SRCIN1: variants seen among roughly 807,000 people sequenced by gnomAD.
SRCIN1 encodes SRC kinase signaling inhibitor 1, also known as P130Cas-associated protein.
A neutral mutation model predicts 116.2 loss-of-function variants in SRCIN1; 50 were observed. That is an observed-to-expected ratio of 0.43 (90% CI 0.34 to 0.54). The LOEUF (loss-of-function observed/expected upper bound fraction) is 0.54, where lower values mean the gene tolerates loss of function less well. SRCIN1 is among the 20% of genes least tolerant of loss of function. The pLI is 0.02. For missense variants in SRCIN1, 1,446 were observed against 1,672.0 expected (o/e 0.86, Z 2.36); for synonymous variants, 736 against 750.0 (o/e 0.98, Z 0.30).
chr17:38,578,522 G>C lies in SRCIN1; in HGVS notation c.292C>G (p.Leu98Val). 1 of 1,595,016 alleles carries C rather than the reference G, an allele frequency of 6.3e-7. No homozygotes were observed. Among genetic ancestry groups the C allele is most frequent in the East Asian group, 2.3e-5 (1 of 44,262 alleles). The change falls in exon 2 of 19, where the codon CTG becomes GTG. Residue 98 changes from leucine to valine, a missense_variant. By Grantham distance (32) the Leu-to-Val change is conservative (BLOSUM62 1). This residue lies in a region of SRCIN1 where 246 missense variants were observed against 265.1 expected (regional missense o/e 0.93). Transcript: ENST00000617146. ...KSKYPQHALALRGQQDRMREQ... is the reference protein window; with the variant it reads ...KSKYPQHALAVRGQQDRMREQ... ...CGCATCCTGTCCTGCTGGCCTCGCAGGGCCAGGGCGTGCTGTGGGTACTTG... is the reference window on the plus strand; with the variant it reads ...CGCATCCTGTCCTGCTGGCCTCGCACGGCCAGGGCGTGCTGTGGGTACTTG...
intron 2 of SRCIN1, among the ~76,000 whole-genome samples, chr17:38,578,256 A>G (rs921314947): frequency 6.6e-6 from 1 of 152,208 alleles, no homozygotes; most frequent in Admixed American, 6.5e-5. Flanking sequence ...TCCGGACTGC[A>G]GGCAGAGGTC....
Position 38,563,047 on chromosome 17 carries a change from T to C in SRCIN1, c.741-127A>G, listed in dbSNP as rs1042565989. Reference sequence around the variant, plus strand: ...ACCGGGAGCCCCATCTCAGGCTGCCTGCACACACGCCCAGCAGCCTCCACC... The same window carrying C: ...ACCGGGAGCCCCATCTCAGGCTGCCCGCACACACGCCCAGCAGCCTCCACC... On this transcript the variant is annotated intron_variant, in intron 5 of 18. Coordinates refer to ENST00000617146, the MANE Select transcript of SRCIN1 (RefSeq NM_025248.3). The surrounding 1 kb of genome is among the most constrained non-coding windows in gnomAD (Gnocchi z 5.8). 2.3e-6 allele frequency: 2 copies of C among 852,152 alleles called. No individual in the cohort carries two copies. Among genetic ancestry groups the C allele is most frequent in the East Asian group, 2.6e-5 (1 of 37,764 alleles). 52.8% of individuals were successfully genotyped at this position (852,152 alleles called of 1,614,324 possible).
In SRCIN1 at chr17:38,558,138, G is replaced by C; in HGVS notation, c.2201+89C>G. 1 of 1,453,758 alleles carries C rather than the reference G, an allele frequency of 6.9e-7. No homozygotes were observed. The highest frequency in any genetic ancestry group is 1.2e-5 in the South Asian group (1 of 80,472). 90.1% of individuals were successfully genotyped at this position (1,453,758 alleles called of 1,614,324 possible). Reference sequence around the variant, plus strand: ...GACCAACGCCACCTGTGACTCAGAGGGAAGGGAGCTGCGCCTCCCAGGGAA... The same window carrying C: ...GACCAACGCCACCTGTGACTCAGAGCGAAGGGAGCTGCGCCTCCCAGGGAA... On this transcript the variant is annotated intron_variant, in intron 11 of 18. Transcript: ENST00000617146. The surrounding 1 kb of genome is among the most constrained non-coding windows in gnomAD (Gnocchi z 4.6).
chr17:38,550,430 C>T (rs1401075283), intron 15 of SRCIN1, among the ~76,000 whole-genome samples: 1 of 152,030 alleles, frequency 6.6e-6, no homozygotes, highest in South Asian at 2.1e-4. Context: ...GGAGGCGGAG[C>T]TTGTAGTGAG....
At position 38,531,396 on chromosome 17, in the gene SRCIN1, T is replaced by C. The variant is rs2040920515; in HGVS notation, c.*1901A>G. Reference sequence around the variant, plus strand: ...GGGAGAGTGCCGTGGTTTTCTTTTTTTTTTCTTTTTTAAATATTTATATAT... The same window carrying C: ...GGGAGAGTGCCGTGGTTTTCTTTTTCTTTTCTTTTTTAAATATTTATATAT... On this transcript the variant is annotated 3_prime_UTR_variant, in exon 19 of 19. Coordinates refer to ENST00000617146, the MANE Select transcript of SRCIN1 (RefSeq NM_025248.3). The C allele has an allele frequency of 6.8e-6, 1 of 148,130 alleles. No individual in the cohort carries two copies. The highest frequency in any genetic ancestry group is 2.4e-5 in the African/African-American group (1 of 40,824). 9.2% of individuals were successfully genotyped at this position (148,130 alleles called of 1,614,324 possible).
At position 38,533,112 on chromosome 17, in the gene SRCIN1, ACAAAACC is replaced by A; in HGVS notation, c.*178_*184del. 2 of 476,754 alleles carry A rather than the reference ACAAAACC, an allele frequency of 4.2e-6. No homozygotes were observed. Among genetic ancestry groups the A allele is most frequent in the Non-Finnish European group, 6.4e-6 (2 of 312,770 alleles). The allele number at this position is 476,754 out of a possible 1,614,324, so 29.5% of individuals were successfully genotyped here. Reference sequence around the variant, plus strand: ...TTAATTGTTAAAAAAAAAAAAAAAAACAAAACCAAAAACACCAACAGATGATGGGTAG... The same window carrying A: ...TTAATTGTTAAAAAAAAAAAAAAAAAAAAAACACCAACAGATGATGGGTAG... On this transcript the variant is annotated 3_prime_UTR_variant, in exon 19 of 19. Transcript: ENST00000617146.
In SRCIN1 at chr17:38,563,431, G is replaced by C. The variant is rs375008092; in HGVS notation, c.632C>G (p.Ala211Gly). 1 of 1,565,482 alleles carries C rather than the reference G, an allele frequency of 6.4e-7. No homozygotes were observed. The highest frequency in any genetic ancestry group is 8.7e-7 in the Non-Finnish European group (1 of 1,154,414). Residue 211 changes from alanine to glycine, a missense_variant, in exon 5 of 19, where the codon GCG (alanine) becomes GGG (glycine). Coordinates refer to ENST00000617146, the MANE Select transcript of SRCIN1 (RefSeq NM_025248.3). The surrounding 1 kb of genome is among the most constrained non-coding windows in gnomAD (Gnocchi z 5.8). ...SSLDTLHALI[A>G]HMFPQKLTMG... ...GGTGAGCTTCTGCGGGAACATGTGC[G>C]CGATGAGTGCGTGCAGCGTGTCCAG... is the stretch of plus-strand genomic sequence containing the variant.
chr17:38,550,545 G>T (rs2502362), intron 15 of SRCIN1, among the ~76,000 whole-genome samples: 80,929 of 151,990 alleles, frequency 0.53, 22,893 homozygotes, highest in African/African-American at 0.73. Context: ...GATGACTACA[G>T]TAAAAGCAAT....
At chr17:38,548,992 G>A (rs1905230736) in intron 16 of SRCIN1, 64 bp downstream of exon 16, 2 of 1,571,944 alleles carry the variant, frequency 1.3e-6, no homozygotes, top group Non-Finnish European at 1.7e-6. Context: ...AGGGCCTCCA[G>A]AAGTCATCTG....
intron 1 of SRCIN1, among the ~76,000 whole-genome samples, chr17:38,592,397 A>T (rs975302815): frequency 1.1e-4 from 16 of 152,168 alleles, no homozygotes; most frequent in Non-Finnish European, 2.1e-4. Flanking sequence ...CACCTCAACC[A>T]GGTGGTCACC....
chr17:38,576,941 C>T (rs1907453971), intron 2 of SRCIN1, among the ~76,000 whole-genome samples: 1 of 152,102 alleles, frequency 6.6e-6, no homozygotes, highest in Non-Finnish European at 1.5e-5. Context: ...CCTTAGCCAC[C>T]ACCATCTGCC....
chr17:38,560,455 G>A (rs1355205581), intron 7 of SRCIN1, 30 bp from the exon 8 acceptor site: 6 of 1,569,456 alleles, frequency 3.8e-6, no homozygotes, highest in East Asian at 2.3e-5. Flanking sequence ...GGGCAACCTC[G>A]CCTCTGAGCA....
chr17:38,550,681 C>T (rs558427638), intron 15 of SRCIN1, among the ~76,000 whole-genome samples: 1 of 152,308 alleles, frequency 6.6e-6, no homozygotes, highest in African/African-American at 2.4e-5. Flanking sequence ...ACCTAGCACA[C>T]AGTAGGTACT....
At position 38,558,256 on chromosome 17, in the gene SRCIN1, G is replaced by C. The variant is rs933066293; in HGVS notation, c.2172C>G (p.Asn724Lys). 5 of 1,612,832 alleles carry C rather than the reference G, an allele frequency of 3.1e-6. No individual in the cohort carries two copies. Among genetic ancestry groups the C allele is most frequent in the Admixed American group, 1.7e-5 (1 of 59,996 alleles). Residue 724 changes from asparagine to lysine, a missense_variant, in exon 11 of 19, where the codon AAC (asparagine) becomes AAG (lysine). By Grantham distance (94) the Asn-to-Lys change is moderately conservative. Around this residue, in one of 5 missense-constraint regions of SRCIN1, gnomAD observed 531 missense variants for 633.9 expected, o/e 0.84. Coordinates refer to ENST00000617146, the MANE Select transcript of SRCIN1 (RefSeq NM_025248.3). The surrounding 1 kb of genome is among the most constrained non-coding windows in gnomAD (Gnocchi z 4.6). ...GCTGCTGGGTAATAAGCTCCTCGTC[G>C]TTGAGATAGCGCAGCCGTTCCTCTT... ...LVEEERLRYLNDEELITQQLN... is the reference protein window; with the variant it reads ...LVEEERLRYLKDEELITQQLN...
intron 1 of SRCIN1, among the ~76,000 whole-genome samples, chr17:38,597,904 G>A (rs1351879768): frequency 6.6e-6 from 1 of 152,148 alleles, no homozygotes; most frequent in Non-Finnish European, 1.5e-5. Flanking sequence ...AGGAGGGGGT[G>A]AGCCATCAGG....
rs1294173484 is a variant in SRCIN1 at position 38,532,755 on chromosome 17, T to A, written c.*542A>T. The A allele has an allele frequency of 6.6e-6, 1 of 152,350 alleles. No individual in the cohort carries two copies. Among genetic ancestry groups the A allele is most frequent in the Non-Finnish European group, 1.5e-5 (1 of 68,180 alleles). 9.4% of individuals were successfully genotyped at this position (152,350 alleles called of 1,614,324 possible). A position where few individuals can be genotyped will look rare whatever the true frequency, so the allele number is the denominator to read the frequency against. ...CGGAGCTTAGACAGGGAGTGGGGCA[T>A]CTCCAAGGCCAGTCTCCCTAAGCCC... On this transcript the variant is annotated 3_prime_UTR_variant, in exon 19 of 19. Coordinates refer to ENST00000617146, the MANE Select transcript of SRCIN1 (RefSeq NM_025248.3). The surrounding 1 kb of genome is among the most constrained non-coding windows in gnomAD (Gnocchi z 4.3).
intron 2 of SRCIN1, among the ~76,000 whole-genome samples, chr17:38,578,239 C>T (rs1050672374): frequency 1.9e-4 from 29 of 152,234 alleles, no homozygotes; most frequent in African/African-American, 7.0e-4. Flanking sequence ...GTCACACGCT[C>T]TCGATTTCCG....
In SRCIN1 at chr17:38,552,380, G is replaced by A. The variant is rs2143107751; in HGVS notation, c.2480+67C>T. On this transcript the variant is annotated intron_variant, in intron 13 of 18. Coordinates refer to ENST00000617146, the MANE Select transcript of SRCIN1 (RefSeq NM_025248.3). This position sits in a 1 kb window ranked among gnomAD's most constrained non-coding sequence, Gnocchi z 5.3. Reference sequence around the variant, plus strand: ...TTGGGGGAGTTGGGGTAAGGGTTCAGTATGACCTATGGGTCTGGGCCCGGT... The same window carrying A: ...TTGGGGGAGTTGGGGTAAGGGTTCAATATGACCTATGGGTCTGGGCCCGGT... The A allele has an allele frequency of 6.5e-7, 1 of 1,529,370 alleles. No homozygotes were observed. The highest frequency in any genetic ancestry group is 1.2e-5 in the South Asian group (1 of 80,160). 94.7% of individuals were successfully genotyped at this position (1,529,370 alleles called of 1,614,324 possible).
intron 3 of SRCIN1, among the ~76,000 whole-genome samples, chr17:38,566,906 C>CTTCT (rs1555609864): frequency 1.4e-3 from 187 of 134,638 alleles, no homozygotes; most frequent in African/African-American, 5.1e-3. Flanking sequence ...TCCTTCTTTC[C>CTTCT]TTCCTTCCTT....
Sources: gnomAD v4.1 joint callset for allele counts (sites outside exome capture counted in the v4.1 genomes callset) on GRCh38, gnomAD v4.1.1 for gene constraint, gnomAD v4.1.1 regional missense constraint, Gnocchi (gnomAD v3.1) non-coding constraint, MANE v1.5 for transcripts, NCBI Gene and HGNC (gene_info 2026-07-23, HGNC 2026-07-21) for gene names.